Variants in NRCAM observed in about 807,000 individuals in gnomAD.
The protein encoded by NRCAM is NgCAM-related cell adhesion molecule.
Under a neutral mutation model 156.5 loss-of-function variants are expected in NRCAM, and 83 were observed. That is an observed-to-expected ratio of 0.53 (90% CI 0.44 to 0.64). NRCAM has a LOEUF of 0.64. Among genes scored for constraint, NRCAM ranks in the 30% least tolerant of loss-of-function variants. The pLI, the probability that NRCAM is intolerant of heterozygous loss-of-function variation, is 0.00. For synonymous variants in NRCAM, 538 were observed against 563.9 expected (o/e 0.95, Z 0.65); for missense variants, 1,417 against 1,597.3 (o/e 0.89, Z 1.92).
Position 108,239,981 on chromosome 7 carries a change from A to T in NRCAM, c.84T>A (p.Ser28Arg). 3 of 1,611,180 alleles carry T rather than the reference A, an allele frequency of 1.9e-6. No individual in the cohort carries two copies. Among genetic ancestry groups the T allele is most frequent in the Non-Finnish European group, 2.5e-6 (3 of 1,177,550 alleles). ...PLILFLCQMI[S>R]ALEVPLDPKL... ...TACGATCAAGAGGTACTTCCAGTGC[A>T]CTAATCATCTGGCACAGGAAGAGAA... is the stretch of plus-strand genomic sequence containing the variant. Residue 28 changes from serine to arginine, a missense_variant, in exon 4 of 33, where the codon AGT (serine) becomes AGA (arginine). Coordinates refer to ENST00000379028, the MANE Select transcript of NRCAM (RefSeq NM_001037132.4).
At chr7:108,164,408 TATAG>T (rs1288879748) in intron 30 of NRCAM, among the ~76,000 whole-genome samples, 1 of 152,040 alleles carries the variant, frequency 6.6e-6, no homozygotes, top group African/African-American at 2.4e-5. Context: ...ATGAAATAAC[TATAG>T]ATAAAGTTGA....
At chr7:108,299,140 A>AAGAAAGAAAGAAAGAAAGAAAGAAAGAG (rs2098534800) in intron 3 of NRCAM, among the ~76,000 whole-genome samples, 1 of 110,248 alleles carries the variant, frequency 9.1e-6, no homozygotes, top group African/African-American at 3.5e-5. Flanking sequence ...GAAAGAAAGA[A>AAGAAAGAAAGAAAGAAAGAAAGAAAGAG]AAGAAAAGTA....
chr7:108,239,272 C>T (rs1192367827), intron 4 of NRCAM, among the ~76,000 whole-genome samples: 1 of 152,082 alleles, frequency 6.6e-6, no homozygotes, highest in Non-Finnish European at 1.5e-5. Context: ...CTGTTGTTTG[C>T]TCCATTTTAG....
chr7:108,177,904 C>T, intron 26 of NRCAM, 86 bp downstream of exon 26: 1 of 1,244,636 alleles, frequency 8.0e-7, no homozygotes, highest in East Asian at 2.6e-5. Context: ...CTACGTACCC[C>T]ATGAGGAGGT....
chr7:108,309,717 C>A (rs1020742859), intron 3 of NRCAM, among the ~76,000 whole-genome samples: 3 of 152,012 alleles, frequency 2.0e-5, no homozygotes, highest in Admixed American at 2.0e-4. Context: ...AGTAGCCAGG[C>A]ATGTTGGTAT....
intron 3 of NRCAM, among the ~76,000 whole-genome samples, chr7:108,290,296 A>G (rs12671199): frequency 0.038 from 5,784 of 152,174 alleles, 162 homozygotes; most frequent in South Asian, 0.11. Context: ...AAAAAGCAGA[A>G]AGCAAAAAGG....
At chr7:108,197,904 A>T in intron 14 of NRCAM, 52 bp downstream of exon 14, 2 of 1,417,812 alleles carry the variant, frequency 1.4e-6, no homozygotes, top group Non-Finnish European at 1.9e-6. Context: ...AACAGAAAAT[A>T]ACAGCAGTCA....
chr7:108,343,271 A>T (rs1044543816), intron 2 of NRCAM, among the ~76,000 whole-genome samples: 4 of 152,236 alleles, frequency 2.6e-5, no homozygotes, highest in African/African-American at 9.6e-5. Context: ...GACTCTAAGT[A>T]TGCTTACCTA....
chr7:108,397,954 A>C (rs985112347), intron 2 of NRCAM, among the ~76,000 whole-genome samples: 1 of 152,258 alleles, frequency 6.6e-6, no homozygotes, highest in African/African-American at 2.4e-5. Context: ...TGTCAGAATA[A>C]AATGAAAATA....
chr7:108,409,573 G>A (rs1475876586), intron 1 of NRCAM, among the ~76,000 whole-genome samples: 1 of 152,198 alleles, frequency 6.6e-6, no homozygotes, highest in African/African-American at 2.4e-5. Context: ...CACCAGGCCT[G>A]AGGACAGGTC....
intron 2 of NRCAM, among the ~76,000 whole-genome samples, chr7:108,358,533 T>A (rs1434906341): frequency 1.3e-5 from 2 of 152,072 alleles, no homozygotes; most frequent in Admixed American, 6.5e-5. Context: ...TACAGAAGCT[T>A]CGCCAATGTC....
At chr7:108,301,436 A>G (rs182510489) in intron 3 of NRCAM, among the ~76,000 whole-genome samples, 53 of 152,326 alleles carry the variant, frequency 3.5e-4, no homozygotes, top group African/African-American at 1.3e-3. Context: ...CTAATGAAGA[A>G]TTGGTACCAG....
intron 13 of NRCAM, among the ~76,000 whole-genome samples, chr7:108,201,642 T>G (rs927841627): frequency 1.3e-5 from 2 of 152,290 alleles, no homozygotes; most frequent in African/African-American, 4.8e-5. Flanking sequence ...ACAATGTCAG[T>G]AGGACAATTT....
chr7:108,359,065 C>T (rs556253624), intron 2 of NRCAM, among the ~76,000 whole-genome samples: 2 of 152,338 alleles, frequency 1.3e-5, no homozygotes, highest in Admixed American at 1.3e-4. Context: ...CCTAGCCTTA[C>T]AAGTAGGATG....
At chr7:108,434,212 C>A (rs1319307332) in intron 1 of NRCAM, among the ~76,000 whole-genome samples, 2 of 152,198 alleles carry the variant, frequency 1.3e-5, no homozygotes, top group Admixed American at 6.5e-5. Context: ...TTAGGTAATT[C>A]ACTCAACCAG....
At chr7:108,356,139 G>C (rs1051315260) in intron 2 of NRCAM, among the ~76,000 whole-genome samples, 1 of 152,084 alleles carries the variant, frequency 6.6e-6, no homozygotes, top group East Asian at 1.9e-4. Context: ...AGTAGAGACA[G>C]GGTTTCACCA....
chr7:108,244,245 T>C (rs2095751026), intron 3 of NRCAM, among the ~76,000 whole-genome samples: 1 of 141,336 alleles, frequency 7.1e-6, no homozygotes, highest in African/African-American at 2.6e-5. Context: ...GTTGAACACA[T>C]AACATGATCT....
intron 11 of NRCAM, among the ~76,000 whole-genome samples, chr7:108,211,078 T>G (rs1050654960): frequency 2.0e-5 from 3 of 152,250 alleles, no homozygotes; most frequent in African/African-American, 7.2e-5. Context: ...GGACTGCTCC[T>G]GCAGGACCCG....
intron 32 of NRCAM, among the ~76,000 whole-genome samples, chr7:108,156,853 T>C (rs2045797865): frequency 1.3e-5 from 2 of 152,118 alleles, no homozygotes; most frequent in African/African-American, 2.4e-5. Context: ...TTAAATGTAT[T>C]AAAAATAAAA....
Sources: allele counts gnomAD v4.1 joint callset (sites outside exome capture counted in the v4.1 genomes callset), GRCh38; gene constraint gnomAD v4.1.1; transcripts MANE v1.5; gene names NCBI Gene and HGNC (gene_info 2026-07-23, HGNC 2026-07-21).